Variants in NTAN1 observed in about 807,000 individuals in gnomAD.
NTAN1 encodes N-terminal asparagine amidase.
NTAN1 carries 32 observed loss-of-function variants against 41.9 expected under a neutral mutation model. The ratio of observed to expected loss-of-function variants is 0.76; its 90% CI spans 0.58 to 1.03. The LOEUF is 1.03. NTAN1 is among the 50% of genes least tolerant of loss of function. NTAN1 has a pLI of 0.00. For synonymous variants in NTAN1, 140 were observed against 139.5 expected (o/e 1.00, Z -0.03); for missense variants, 377 against 377.5 (o/e 1.00, Z 0.01).
intron 5 of NTAN1, among the ~76,000 whole-genome samples, chr16:15,042,534 T>G (rs758046486): frequency 2.0e-5 from 3 of 152,156 alleles, no homozygotes; most frequent in Non-Finnish European, 4.4e-5. Flanking sequence ...TATTTTCCCA[T>G]GTAATTCTCA....
chr16:15,053,205 C>A (rs1218236753), intron 1 of NTAN1, among the ~76,000 whole-genome samples: 1 of 152,250 alleles, frequency 6.6e-6, no homozygotes, highest in Non-Finnish European at 1.5e-5. Context: ...CAAGGGCAGG[C>A]TGCCAGGGTT....
rs777295835 is a variant in NTAN1, at chr16:15,047,431, G to A, written c.359+11C>T. On this transcript the variant is annotated intron_variant, in intron 4 of 9. Coordinates refer to ENST00000287706, the MANE Select transcript of NTAN1 (RefSeq NM_173474.4). ...ATCTCAATTCACCTATGAGAGCAGC[G>A]TAGATCTCACCTTCCACATTGAGCG... 9.2e-6 allele frequency: 14 copies of A among 1,524,430 alleles called. No individual in the cohort carries two copies. Among genetic ancestry groups the A allele is most frequent in the African/African-American group, 2.7e-5 (2 of 73,190 alleles). 94.4% of individuals were successfully genotyped at this position (1,524,430 alleles called of 1,614,324 possible).
intron 8 of NTAN1, among the ~76,000 whole-genome samples, chr16:15,039,281 C>T (rs961029329): frequency 2.0e-5 from 3 of 152,122 alleles, no homozygotes; most frequent in African/African-American, 7.2e-5. Context: ...TTGAGAAGTC[C>T]TAAAAATGTT....
Position 15,038,034 on chromosome 16 carries a change from A to ACTT in NTAN1, c.927_929dup (p.Gly309_Ser310insArg), listed in dbSNP as rs770859998. On this transcript the variant is annotated inframe_insertion, in exon 10 of 10. Transcript: ENST00000287706. ...TTTCTTTGGTAATTCATGTTTTTTA[A>ACTT]CTTCCTGGAGAAGAGATCTTTTCCC... 9 of 1,609,556 alleles carry ACTT rather than the reference A, an allele frequency of 5.6e-6. No individual in the cohort carries two copies. Among genetic ancestry groups the ACTT allele is most frequent in the Admixed American group, 1.7e-5 (1 of 58,706 alleles).
At chr16:15,040,396 G>T (rs755727172) in intron 7 of NTAN1, 32 of 285,940 alleles carry the variant, frequency 1.1e-4, no homozygotes, top group Non-Finnish European at 1.9e-4. Context: ...GGGTGGCTGG[G>T]TGAACTGTGA....
intron 1 of NTAN1, among the ~76,000 whole-genome samples, chr16:15,052,049 A>G (rs2044313978): frequency 6.6e-6 from 1 of 151,370 alleles, no homozygotes. Context: ...CCTCATCCCT[A>G]TTTCCCAGTT....
At chr16:15,055,846 T>C in intron 1 of NTAN1, 45 bp downstream of exon 1, 2 of 1,063,658 alleles carry the variant, frequency 1.9e-6, no homozygotes, top group Non-Finnish European at 2.4e-6. Flanking sequence ...GCCCTGCAGC[T>C]TCCCCTCGGG....
At chr16:15,039,871 T>C (rs1202036922) in intron 8 of NTAN1, 98 bp downstream of exon 8, 1 of 706,294 alleles carries the variant, frequency 1.4e-6, no homozygotes, top group Non-Finnish European at 2.5e-6. Flanking sequence ...ATAAAGAAGC[T>C]GACAGCATAA....
At chr16:15,041,201 G>A (rs1451907819) in intron 6 of NTAN1, 80 bp from the exon 7 acceptor site, 1 of 954,376 alleles carries the variant, frequency 1.0e-6, no homozygotes, top group East Asian at 2.5e-5. Context: ...TAAAGGCGAA[G>A]GAGGAGCTCC....
Position 15,056,033 on chromosome 16 carries a change from G to A in NTAN1, c.-62C>T. The A allele has an allele frequency of 1.4e-6, 1 of 736,126 alleles. No individual in the cohort carries two copies. Among genetic ancestry groups the A allele is most frequent in the Non-Finnish European group, 1.7e-6 (1 of 574,438 alleles). The allele number at this position is 736,126 out of a possible 1,614,324, so 45.6% of individuals were successfully genotyped here. On this transcript the variant is annotated 5_prime_UTR_variant, in exon 1 of 10. Transcript: ENST00000287706. ...GCGGCCCCCCGCTTTGCAGCCCCGG[G>A]CCGCCCGCCGCCCCCGCCCCTCGGG...
rs188960151 is a variant in NTAN1, at chr16:15,039,990, C to T, written c.618G>A (p.Ala206=). The T allele has an allele frequency of 1.3e-5, 21 of 1,605,800 alleles. No individual in the cohort carries two copies. The highest frequency in any genetic ancestry group is 4.4e-5 in the South Asian group (4 of 90,690). ...DRGPEEQLRA[A]RTLAGGPMIS... is the part of the protein sequence containing the mutation. ...TCACTGGTCCTCCTGCTAAAGTTCG[C>T]GCAGCACGAAGCTGCTCCTCCGGAC... Residue 206 remains alanine (A), a synonymous_variant, in exon 8 of 10, where the codon GCG becomes GCA. Coordinates refer to ENST00000287706, the MANE Select transcript of NTAN1 (RefSeq NM_173474.4).
chr16:15,053,457 C>T (rs1353539837), intron 1 of NTAN1, among the ~76,000 whole-genome samples: 4 of 151,240 alleles, frequency 2.6e-5, no homozygotes, highest in Non-Finnish European at 5.9e-5. Flanking sequence ...TATAAAACAA[C>T]ATATAGTAAG....
intron 4 of NTAN1, 43 bp from the exon 5 acceptor site, chr16:15,044,450 C>T (rs373387560): frequency 1.1e-5 from 14 of 1,257,090 alleles, no homozygotes; most frequent in Middle Eastern, 1.9e-4. Context: ...AAGAAGACAC[C>T]GGTGCGTGCG....
intron 7 of NTAN1, 39 bp downstream of exon 7, chr16:15,041,029 G>A: frequency 7.0e-7 from 1 of 1,422,850 alleles, no homozygotes; most frequent in East Asian, 2.3e-5. Context: ...CTGCACATGT[G>A]ACCAAGACTC....
At chr16:15,041,995 CTA>C (rs2043837124) in intron 5 of NTAN1, among the ~76,000 whole-genome samples, 1 of 152,142 alleles carries the variant, frequency 6.6e-6, no homozygotes, top group African/African-American at 2.4e-5. Flanking sequence ...TTTCTCCTAA[CTA>C]AACTGTTTTC....
chr16:15,054,957 G>C (rs924563778), intron 1 of NTAN1, among the ~76,000 whole-genome samples: 5 of 152,096 alleles, frequency 3.3e-5, no homozygotes, highest in African/African-American at 1.2e-4. Flanking sequence ...GAGTGAAAGG[G>C]GACGCTTTTT....
Position 15,039,998 on chromosome 16 carries a change from G to T in NTAN1, c.610C>A (p.Arg204Ser), listed in dbSNP as rs775539900. 1.2e-6 allele frequency: 2 copies of T among 1,609,852 alleles called. No individual in the cohort carries two copies. The highest frequency in any genetic ancestry group is 1.1e-5 in the South Asian group (1 of 90,930). The change falls in exon 8 of 10, where the codon CGT (arginine) becomes AGT (serine). Residue 204 changes from arginine (R) to serine (S), a missense_variant. Coordinates refer to ENST00000287706, the MANE Select transcript of NTAN1 (RefSeq NM_173474.4). ...FQDRGPEEQL[R>S]AARTLAGGPM... ...CCTCCTGCTAAAGTTCGCGCAGCAC[G>T]AAGCTGCTCCTCCGGACCCCGATCT...
At chr16:15,050,989 A>C (rs1348613568) in intron 1 of NTAN1, among the ~76,000 whole-genome samples, 2 of 152,244 alleles carry the variant, frequency 1.3e-5, no homozygotes, top group African/African-American at 4.8e-5. Context: ...TCTAAAACTC[A>C]GAACACCTGT....
At chr16:15,047,636 G>T in intron 3 of NTAN1, 86 bp from the exon 4 acceptor site, 1 of 1,062,440 alleles carries the variant, frequency 9.4e-7, no homozygotes, top group Non-Finnish European at 1.5e-6. Flanking sequence ...CCTCCGGACC[G>T]CCTCATCTTT....
Sources: gnomAD v4.1 joint callset for allele counts (sites outside exome capture counted in the v4.1 genomes callset) on GRCh38, gnomAD v4.1.1 for gene constraint, MANE v1.5 for transcripts, NCBI Gene and HGNC (gene_info 2026-07-23, HGNC 2026-07-21) for gene names.